Variants in STXBP5 observed in about 807,000 individuals in gnomAD.
STXBP5 encodes syntaxin binding protein 5.
A neutral mutation model predicts 152.4 loss-of-function variants in STXBP5; 50 were observed. The observed-to-expected ratio is 0.33, with a 90% CI of 0.26 to 0.42. The LOEUF is 0.42. Among genes scored for constraint, STXBP5 ranks in the 10% least tolerant of loss-of-function variants. The pLI is 1.00. For missense variants in STXBP5, 1,167 were observed against 1,388.6 expected (o/e 0.84, Z 2.54); for synonymous variants, 492 against 494.7 (o/e 0.99, Z 0.07).
intron 8 of STXBP5, among the ~76,000 whole-genome samples, chr6:147,287,328 A>T (rs992381863): frequency 1.1e-4 from 15 of 140,682 alleles, no homozygotes; most frequent in Non-Finnish European, 1.5e-5. Context: ...TCAGCCTCCC[A>T]AGTAGCTGGG....
chr6:147,262,490 A>G (rs1779690592), intron 6 of STXBP5, 137 bp downstream of exon 6: 1 of 449,098 alleles, frequency 2.2e-6, no homozygotes, highest in African/African-American at 2.1e-5. Context: ...GTTAATGCTT[A>G]TTATTAATTA....
At chr6:147,282,565 G>C (rs1049510538) in intron 8 of STXBP5, among the ~76,000 whole-genome samples, 1 of 152,150 alleles carries the variant, frequency 6.6e-6, no homozygotes, top group East Asian at 1.9e-4. Flanking sequence ...TCCATATAAT[G>C]ACTCTGCGGT....
chr6:147,254,009 G>A (rs2115300232), intron 4 of STXBP5, among the ~76,000 whole-genome samples: 1 of 152,258 alleles, frequency 6.6e-6, no homozygotes, highest in East Asian at 1.9e-4. Context: ...AAAGAACAAA[G>A]TTGGAGGCAT....
Position 147,235,346 on chromosome 6 carries a change from T to G in STXBP5, c.330+15T>G. On this transcript the variant is annotated intron_variant, in intron 3 of 27. Coordinates refer to ENST00000321680, the MANE Select transcript of STXBP5 (RefSeq NM_001127715.4). ...TGATTAATGAGGTTAGTGAATTGTTTTAATCATTTCTACTTATATCCAAAA... is the reference window on the plus strand; with the variant it reads ...TGATTAATGAGGTTAGTGAATTGTTGTAATCATTTCTACTTATATCCAAAA... The G allele has an allele frequency of 5.0e-6, 8 of 1,608,934 alleles. No individual in the cohort carries two copies. The highest frequency in any genetic ancestry group is 6.8e-6 in the Non-Finnish European group (8 of 1,176,388).
chr6:147,266,985 C>T, intron 6 of STXBP5, 99 bp from the exon 7 acceptor site: 1 of 967,216 alleles, frequency 1.0e-6, no homozygotes. Flanking sequence ...CATTTATACT[C>T]AACGCATTTG....
At chr6:147,240,078 G>A (rs949784480) in intron 4 of STXBP5, among the ~76,000 whole-genome samples, 2 of 151,820 alleles carry the variant, frequency 1.3e-5, no homozygotes, top group African/African-American at 4.8e-5. Flanking sequence ...GAGTATCTGG[G>A]ACTATAGCAT....
chr6:147,370,617 C>T (rs1314445696), intron 25 of STXBP5, among the ~76,000 whole-genome samples: 1 of 151,842 alleles, frequency 6.6e-6, no homozygotes, highest in Non-Finnish European at 1.5e-5. Context: ...TGAACCCTAA[C>T]CAAAATTTGC....
intron 26 of STXBP5, among the ~76,000 whole-genome samples, chr6:147,376,678 G>T (rs938728376): frequency 6.6e-6 from 1 of 151,986 alleles, no homozygotes; most frequent in South Asian, 2.1e-4. Flanking sequence ...TTTAGTGGTA[G>T]TATGCACCTG....
intron 21 of STXBP5, among the ~76,000 whole-genome samples, chr6:147,344,107 A>G (rs1562258735): frequency 6.6e-6 from 1 of 152,190 alleles, no homozygotes; most frequent in Non-Finnish European, 1.5e-5. Flanking sequence ...TAGAATGAAT[A>G]AAAATTGGAA....
intron 4 of STXBP5, among the ~76,000 whole-genome samples, chr6:147,245,053 C>T (rs946953962): frequency 3.0e-5 from 4 of 132,162 alleles, no homozygotes; most frequent in South Asian, 2.4e-4. Flanking sequence ...AGTTCAGTGG[C>T]GTGATCTTGG....
intron 2 of STXBP5, among the ~76,000 whole-genome samples, chr6:147,231,003 T>TA (rs1777976963): frequency 6.6e-6 from 1 of 151,780 alleles, no homozygotes; most frequent in Non-Finnish European, 1.5e-5. Flanking sequence ...TCTTCATTTA[T>TA]TCCTCCCTTC....
intron 18 of STXBP5, among the ~76,000 whole-genome samples, chr6:147,333,503 G>A (rs527361320): frequency 1.5e-4 from 23 of 152,272 alleles, no homozygotes; most frequent in Middle Eastern, 3.4e-3. Flanking sequence ...CAGCCTGGGC[G>A]ACAGAGGGAA....
chr6:147,361,003 G>A (rs1160077276), intron 23 of STXBP5, among the ~76,000 whole-genome samples: 2 of 152,098 alleles, frequency 1.3e-5, no homozygotes, highest in Non-Finnish European at 2.9e-5. Flanking sequence ...TGCTCTATAA[G>A]TGCTTGAGTA....
intron 23 of STXBP5, among the ~76,000 whole-genome samples, chr6:147,361,630 C>T (rs763083140): frequency 2.0e-5 from 3 of 151,994 alleles, no homozygotes; most frequent in African/African-American, 4.8e-5. Context: ...CAGTTAACCA[C>T]GAATCTACTA....
chr6:147,355,334 G>A (rs904427324), intron 22 of STXBP5, among the ~76,000 whole-genome samples: 2 of 152,054 alleles, frequency 1.3e-5, no homozygotes, highest in African/African-American at 2.4e-5. Flanking sequence ...CTGTGGGGAG[G>A]AGAAAGTGAT....
intron 2 of STXBP5, among the ~76,000 whole-genome samples, chr6:147,222,720 C>T (rs963065242): frequency 1.3e-5 from 2 of 152,188 alleles, no homozygotes; most frequent in African/African-American, 4.8e-5. Flanking sequence ...AAATGGTTGC[C>T]TTTTCTCTTC....
At chr6:147,333,412 T>C (rs1783677535) in intron 18 of STXBP5, among the ~76,000 whole-genome samples, 1 of 152,110 alleles carries the variant, frequency 6.6e-6, no homozygotes, top group African/African-American at 2.4e-5. Flanking sequence ...TAGTCCCAGC[T>C]ACTTGGGAGG....
Position 147,204,464 on chromosome 6 carries a change from G to A in STXBP5, c.-69G>A. The A allele has an allele frequency of 6.5e-7, 1 of 1,540,180 alleles. No individual in the cohort carries two copies. The highest frequency in any genetic ancestry group is 8.8e-7 in the Non-Finnish European group (1 of 1,135,980). On this transcript the variant is annotated 5_prime_UTR_variant, in exon 1 of 28. Transcript: ENST00000321680. This position sits in a 1 kb window ranked among gnomAD's most constrained non-coding sequence, Gnocchi z 4.3. ...GCGGTCGAAGCTGCCTTCGGCCCCG[G>A]GTGGTCTCCCCCGCCCGGGGACCCC...
At chr6:147,274,198 T>G (rs1221063292) in intron 7 of STXBP5, among the ~76,000 whole-genome samples, 2 of 152,118 alleles carry the variant, frequency 1.3e-5, no homozygotes, top group Non-Finnish European at 2.9e-5. Flanking sequence ...AAACAATGAA[T>G]AATTTGGTCA....
Sources: allele counts gnomAD v4.1 joint callset (sites outside exome capture counted in the v4.1 genomes callset), GRCh38; gene constraint gnomAD v4.1.1; non-coding constraint Gnocchi (gnomAD v3.1); transcripts MANE v1.5; gene names NCBI Gene and HGNC (gene_info 2026-07-23, HGNC 2026-07-21).